HSDL2: variants seen among roughly 807,000 people sequenced by gnomAD.
HSDL2 encodes hydroxysteroid dehydrogenase-like protein 2.
HSDL2 carries 27 observed loss-of-function variants against 46.3 expected under a neutral mutation model. The ratio of observed to expected loss-of-function variants is 0.58; its 90% CI spans 0.43 to 0.80. The LOEUF is 0.80. HSDL2 is among the 30% of genes least tolerant of loss of function. The pLI, the probability that HSDL2 is intolerant of heterozygous loss-of-function variation, is 0.00. For missense variants in HSDL2, 451 were observed against 502.7 expected (o/e 0.90, Z 0.98); for synonymous variants, 153 against 163.6 (o/e 0.94, Z 0.50).
intron 10 of HSDL2, among the ~76,000 whole-genome samples, chr9:112,466,703 TA>T (rs1369632255): frequency 6.6e-6 from 1 of 152,218 alleles, no homozygotes; most frequent in East Asian, 1.9e-4. Flanking sequence ...AAGTTCAACC[TA>T]TTTTTTTTGA....
intron 8 of HSDL2, among the ~76,000 whole-genome samples, chr9:112,448,609 C>A (rs1758434041): frequency 6.6e-6 from 1 of 151,848 alleles, no homozygotes; most frequent in Admixed American, 6.6e-5. Context: ...AGTGCAGCGG[C>A]ATTTTCTTCT....
rs3832711 is a variant in HSDL2 at position 112,470,554 on chromosome 9, T to TA, written c.*19dup. 1,164 of 1,485,226 alleles carry TA rather than the reference T, an allele frequency of 7.8e-4. No individual in the cohort carries two copies. Among genetic ancestry groups the TA allele is most frequent in the South Asian group, 1.5e-3 (118 of 79,940 alleles). 92.0% of individuals were successfully genotyped at this position (1,485,226 alleles called of 1,614,324 possible). On this transcript the variant is annotated 3_prime_UTR_variant, in exon 11 of 11. Transcript: ENST00000398805. ...GAATGCCAGACTGTGAAGGAAAATA[T>TA]AAAAAAAAAGTCGACTGCTATGCTC...
intron 8 of HSDL2, among the ~76,000 whole-genome samples, chr9:112,443,219 C>G (rs1832679258): frequency 6.6e-6 from 1 of 152,224 alleles, no homozygotes. Context: ...ATCATTTAAA[C>G]TCCAAATTTT....
intron 8 of HSDL2, among the ~76,000 whole-genome samples, chr9:112,448,105 G>T (rs1432640164): frequency 6.6e-6 from 1 of 152,142 alleles, no homozygotes; most frequent in Non-Finnish European, 1.5e-5. Flanking sequence ...TGTAATTATT[G>T]TGAGGAATAA....
chr9:112,435,323 A>G lies in HSDL2; in HGVS notation c.599-3108A>G, dbSNP rs1270027496. Among the ~76,000 whole-genome samples, 4 of 152,154 alleles carry G rather than the reference A, an allele frequency of 2.6e-5. No individual in the cohort carries two copies. In the East Asian group the frequency reaches 7.7e-4, roughly 29 times the overall value. On this transcript the variant is annotated intron_variant, in intron 6 of 10. Transcript: ENST00000398805. ...TTAAGGATTCTTGTACAATTCATGT[A>G]GTTTACATGGAGACTAGCAGTGTGC...
intron 3 of HSDL2, among the ~76,000 whole-genome samples, chr9:112,407,686 G>A (rs937761418): frequency 1.3e-5 from 2 of 152,090 alleles, no homozygotes; most frequent in African/African-American, 4.8e-5. Flanking sequence ...CAAAGTGCTG[G>A]GGTTACAAGC....
chr9:112,454,112 G>C lies in HSDL2; in HGVS notation c.965G>C (p.Ser322Thr), dbSNP rs1200769156. The C allele has an allele frequency of 6.2e-6, 10 of 1,613,932 alleles. No homozygotes were observed. The highest frequency in any genetic ancestry group is 8.5e-6 in the Non-Finnish European group (10 of 1,179,946). Reference protein sequence around the residue: ...ETFRIVKDSLSDDVVKATQAI... With the variant: ...ETFRIVKDSLTDDVVKATQAI... ...TTTAGAATTGTTAAGGACTCTCTCA[G>C]TGATGATGTTGTTAAAGCCACTCAA... The change falls in exon 9 of 11, where the codon AGT becomes ACT. Residue 322 changes from serine to threonine, a missense_variant. Ser to Thr is a moderately conservative substitution (Grantham distance 58). Transcript: ENST00000398805.
chr9:112,463,253 ATTTAAC>A (rs1310062409), intron 10 of HSDL2, among the ~76,000 whole-genome samples: 3 of 89,032 alleles, frequency 3.4e-5, no homozygotes, highest in African/African-American at 1.4e-4. Context: ...GTAAGTTGAT[ATTTAAC>A]TTTTTTTTTT....
chr9:112,468,894 G>A lies in HSDL2; in HGVS notation c.1145-1538G>A, dbSNP rs144872940. Among the ~76,000 whole-genome samples, 447 of 152,268 alleles carry A rather than the reference G, an allele frequency of 2.9e-3. 4 individuals are homozygous for A. The highest frequency in any genetic ancestry group is 0.014 in the Middle Eastern group (4 of 294). On this transcript the variant is annotated intron_variant, in intron 10 of 10. Coordinates refer to ENST00000398805, the MANE Select transcript of HSDL2 (RefSeq NM_032303.5). ...GCTCATTGGAAGATGTGTGTGAGTG[G>A]GGTGGGTGGAATGGTAGGCTTCACT...
chr9:112,383,803 G>C (rs1390615342), intron 1 of HSDL2, among the ~76,000 whole-genome samples: 1 of 152,184 alleles, frequency 6.6e-6, no homozygotes, highest in African/African-American at 2.4e-5. Flanking sequence ...CTGGGGTTAA[G>C]CAGTCCTCCC....
chr9:112,418,866 C>A lies in HSDL2; in HGVS notation c.506C>A (p.Thr169Asn). The change falls in exon 6 of 11, where the codon ACC becomes AAC. Residue 169 changes from threonine (T) to asparagine (N), a missense_variant. Thr to Asn is a moderately conservative substitution (Grantham distance 65). Coordinates refer to ENST00000398805, the MANE Select transcript of HSDL2 (RefSeq NM_032303.5). Reference sequence around the variant, plus strand: ...TTTTTTGTGGTTCTTTCAGCTTATACCATTGCTAAGTATGGTATGTCTATG... The same window carrying A: ...TTTTTTGTGGTTCTTTCAGCTTATAACATTGCTAAGTATGGTATGTCTATG... ...PVWFKQHCAY[T>N]IAKYGMSMYV... The A allele has an allele frequency of 1.3e-6, 2 of 1,572,166 alleles. No individual in the cohort carries two copies. Among genetic ancestry groups the A allele is most frequent in the Non-Finnish European group, 1.7e-6 (2 of 1,148,600 alleles).
chr9:112,432,829 G>A (rs561621685), intron 6 of HSDL2, among the ~76,000 whole-genome samples: 19 of 152,218 alleles, frequency 1.2e-4, no homozygotes, highest in South Asian at 2.1e-4. Flanking sequence ...ATGCAGTGGC[G>A]CCATCTCGGC....
At chr9:112,458,103 GTT>G (rs10603358) in intron 9 of HSDL2, among the ~76,000 whole-genome samples, 144,463 of 151,216 alleles carry the variant, frequency 0.96, 69,059 homozygotes, top group African/African-American at 0.98. Flanking sequence ...TAGTGCCACT[GTT>G]TTTTTTTTTC....
Position 112,454,143 on chromosome 9 carries a change from C to T in HSDL2, c.996C>T (p.Ile332=), listed in dbSNP as rs747830899. 6.2e-7 allele frequency: 1 copy of T among 1,613,588 alleles called. No homozygotes were observed. Among genetic ancestry groups the T allele is most frequent in the Non-Finnish European group, 8.5e-7 (1 of 1,179,768 alleles). ...ATGTTGTTAAAGCCACTCAAGCAATCTATCTGTTTGAACTCTCCGGTAAGG... is the reference window on the plus strand; with the variant it reads ...ATGTTGTTAAAGCCACTCAAGCAATTTATCTGTTTGAACTCTCCGGTAAGG... The part of the protein sequence containing the change: ...SDDVVKATQA[I]YLFELSGEDG... Residue 332 remains isoleucine (I), a synonymous_variant, in exon 9 of 11, where the codon ATC becomes ATT. Transcript: ENST00000398805.
At position 112,471,472 on chromosome 9, in the gene HSDL2, T is replaced by C. The variant is rs1833572874; in HGVS notation, c.*928T>C. On this transcript the variant is annotated 3_prime_UTR_variant, in exon 11 of 11. Coordinates refer to ENST00000398805, the MANE Select transcript of HSDL2 (RefSeq NM_032303.5). Reference sequence around the variant, plus strand: ...AGAGGACACAGTGAGAAGGCAGTTATCTGCAAGCAAAGAGAGAGGCTTCAG... The same window carrying C: ...AGAGGACACAGTGAGAAGGCAGTTACCTGCAAGCAAAGAGAGAGGCTTCAG... The C allele has an allele frequency of 6.6e-6, 1 of 152,326 alleles. No homozygotes were observed. The highest frequency in any genetic ancestry group is 1.5e-5 in the Non-Finnish European group (1 of 68,148). The allele number at this position is 152,326 out of a possible 1,614,324, so 9.4% of individuals were successfully genotyped here.
intron 7 of HSDL2, 35 bp downstream of exon 7, chr9:112,438,660 GT>G (rs1832580645): frequency 7.9e-7 from 1 of 1,262,938 alleles, no homozygotes; most frequent in Admixed American, 2.3e-5. Context: ...GTAGTGATAC[GT>G]TTTTCCATAT....
chr9:112,416,431 T>TA lies in HSDL2; in HGVS notation c.396-399dup, dbSNP rs753094935. 3.8e-3 allele frequency among the ~76,000 whole-genome samples: 521 copies of TA among 138,704 alleles called. 7 individuals carry two copies. The highest frequency in any genetic ancestry group is 0.012 in the African/African-American group (455 of 36,632). The allele number at this position is 138,704 out of a possible 152,430, so 91.0% of individuals were successfully genotyped here. Reference sequence around the variant, plus strand: ...CAACAGAGAGACCCTGTCTTAAAATTAAAAAAAAAAACAAACAAAAAAAAA... The same window carrying TA: ...CAACAGAGAGACCCTGTCTTAAAATTAAAAAAAAAAAACAAACAAAAAAAAA... On this transcript the variant is annotated intron_variant, in intron 4 of 10. Transcript: ENST00000398805.
At chr9:112,462,709 A>C (rs1427670263) in intron 10 of HSDL2, among the ~76,000 whole-genome samples, 1 of 152,072 alleles carries the variant, frequency 6.6e-6, no homozygotes, top group Non-Finnish European at 1.5e-5. Flanking sequence ...GGTCTAATTC[A>C]CATGCAATAA....
intron 6 of HSDL2, among the ~76,000 whole-genome samples, chr9:112,424,425 G>A (rs969521122): frequency 6.6e-6 from 1 of 152,002 alleles, no homozygotes; most frequent in African/African-American, 2.4e-5. Flanking sequence ...TTCTTGTTGA[G>A]TCTAATAATT....
Sources: gnomAD v4.1 joint callset for allele counts (sites outside exome capture counted in the v4.1 genomes callset) on GRCh38, gnomAD v4.1.1 for gene constraint, MANE v1.5 for transcripts, NCBI Gene and HGNC (gene_info 2026-07-23, HGNC 2026-07-21) for gene names.